Variants in HEATR5B observed in about 807,000 individuals in gnomAD.
HEATR5B encodes the protein HEAT repeat containing 5B.
HEATR5B carries 156 observed loss-of-function variants against 224.1 expected under a neutral mutation model. That is an observed-to-expected ratio of 0.70 (90% CI 0.61 to 0.80). The LOEUF is 0.80. HEATR5B is among the 30% of genes least tolerant of loss of function. The pLI, the probability that HEATR5B is intolerant of heterozygous loss-of-function variation, is 0.00. For missense variants in HEATR5B, 2,323 were observed against 2,535.5 expected, an observed-to-expected ratio of 0.92 and a Z score of 1.80; for synonymous variants, 1,027 against 893.0, an observed-to-expected ratio of 1.15 and a Z score of -2.68.
At chr2:37,019,972 C>T (rs1159568165) in intron 25 of HEATR5B, 95 bp from the exon 26 acceptor site, 6 of 792,090 alleles carry the variant, frequency 7.6e-6, no homozygotes, top group East Asian at 2.7e-5. Flanking sequence ...GGTGCGATCT[C>T]GGCTCATTGC....
At chr2:36,982,532 G>C in intron 35 of HEATR5B, among the ~76,000 whole-genome samples, 1 of 152,124 alleles carries the variant, frequency 6.6e-6, no homozygotes, top group East Asian at 1.9e-4. Context: ...ATCACATTGA[G>C]AATTACGCGT....
chr2:37,063,520 G>C (rs569746150), intron 10 of HEATR5B, among the ~76,000 whole-genome samples: 14 of 152,234 alleles, frequency 9.2e-5, no homozygotes, highest in Admixed American at 2.6e-4. Flanking sequence ...AGTGGTATGA[G>C]GAAGATGGGA....
intron 33 of HEATR5B, 24 bp downstream of exon 33, chr2:37,000,562 A>G: frequency 6.3e-7 from 1 of 1,595,488 alleles, no homozygotes; most frequent in East Asian, 2.2e-5. Flanking sequence ...TAACTAACTA[A>G]AACGTTTAAA....
chr2:37,008,318 A>G (rs1667560929), intron 28 of HEATR5B: 1 of 436,294 alleles, frequency 2.3e-6, no homozygotes, highest in African/African-American at 2.0e-5. Flanking sequence ...ATATACATCT[A>G]TGGTTATGCA....
At chr2:37,032,599 A>C (rs748179063) in intron 22 of HEATR5B, 30 bp downstream of exon 22, 1 of 1,580,296 alleles carries the variant, frequency 6.3e-7, no homozygotes, top group South Asian at 1.2e-5. Context: ...AGTTAAACAA[A>C]AAACAATATT....
intron 27 of HEATR5B, among the ~76,000 whole-genome samples, chr2:37,012,454 G>A (rs1226684851): frequency 6.6e-6 from 1 of 151,976 alleles, no homozygotes; most frequent in East Asian, 1.9e-4. Context: ...GCAATGGCGT[G>A]ATCTTGGCTC....
At chr2:37,066,250 T>C (rs1671580756) in intron 8 of HEATR5B, among the ~76,000 whole-genome samples, 1 of 152,202 alleles carries the variant, frequency 6.6e-6, no homozygotes, top group African/African-American at 2.4e-5. Flanking sequence ...TTATATTAGT[T>C]ATGTGACATT....
intron 6 of HEATR5B, among the ~76,000 whole-genome samples, chr2:37,070,776 T>C (rs370594957): frequency 6.6e-6 from 1 of 152,210 alleles, no homozygotes; most frequent in Non-Finnish European, 1.5e-5. Flanking sequence ...TAGTTACCAA[T>C]AGATTAAGAT....
intron 3 of HEATR5B, among the ~76,000 whole-genome samples, chr2:37,077,353 C>T (rs1026571102): frequency 7.2e-5 from 11 of 151,984 alleles, no homozygotes; most frequent in African/African-American, 1.4e-4. Context: ...CTGTCACCCA[C>T]GCTGGAGTGC....
chr2:37,048,112 T>C (rs1670315341), intron 18 of HEATR5B, among the ~76,000 whole-genome samples: 1 of 151,416 alleles, frequency 6.6e-6, no homozygotes, highest in South Asian at 2.1e-4. Flanking sequence ...TGGACAGGTA[T>C]AAATAAATGA....
In HEATR5B at chr2:37,083,419, G is replaced by A. The variant is rs181345513; in HGVS notation, c.-5C>T. 3.0e-5 allele frequency: 48 copies of A among 1,609,280 alleles called. No homozygotes were observed. Among genetic ancestry groups the A allele is most frequent in the Non-Finnish European group, 3.7e-5 (43 of 1,178,066 alleles). Reference sequence around the variant, plus strand: ...TAAACTGTGGGCTAACTCCATTACGGAAGTTTGAAATTCACACCTTAAATT... The same window carrying A: ...TAAACTGTGGGCTAACTCCATTACGAAAGTTTGAAATTCACACCTTAAATT... On this transcript the variant is annotated 5_prime_UTR_variant, in exon 2 of 36. Transcript: ENST00000233099.
chr2:37,077,842 T>C (rs1226426463), intron 3 of HEATR5B, among the ~76,000 whole-genome samples: 1 of 152,100 alleles, frequency 6.6e-6, no homozygotes, highest in Non-Finnish European at 1.5e-5. Context: ...GTCTACCTCT[T>C]AATTTACAAA....
chr2:36,995,462 TAAG>T (rs1666635288), intron 33 of HEATR5B, among the ~76,000 whole-genome samples: 1 of 152,146 alleles, frequency 6.6e-6, no homozygotes, highest in South Asian at 2.1e-4. Flanking sequence ...AAATCTACCT[TAAG>T]AAACAAAATA....
chr2:37,071,886 T>C (rs367738695), intron 6 of HEATR5B, among the ~76,000 whole-genome samples: 3 of 152,120 alleles, frequency 2.0e-5, no homozygotes, highest in South Asian at 2.1e-4. Context: ...GGTTTCAGCA[T>C]CTTGGCCAGG....
At chr2:37,028,308 C>A in intron 23 of HEATR5B, 134 bp from the exon 24 acceptor site, 1 of 539,278 alleles carries the variant, frequency 1.9e-6, no homozygotes, top group Non-Finnish European at 3.0e-6. Context: ...GTAAAACTAG[C>A]AGAATTTTTT....
chr2:37,028,034 G>A lies in HEATR5B; in HGVS notation c.3742C>T (p.Arg1248Ter), dbSNP rs762276311. Residue 1248 changes from arginine (R) to a stop codon, truncating the protein, a stop_gained, in exon 24 of 36, where the codon CGA (arginine) becomes TGA (stop). Transcript: ENST00000233099. LOFTEE classifies it high-confidence loss of function. ...CACAGGCAATCGGCAGCAAATACTC[G>A]AGTGGCCCAGCGAGGGGCCACAAAG... ...KPFVAPRWAT[R>*]VFAADCLCRI... 1.2e-5 allele frequency: 19 copies of A among 1,613,896 alleles called. No homozygotes were observed. The highest frequency in any genetic ancestry group is 2.7e-5 in the African/African-American group (2 of 74,890).
At chr2:37,077,527 C>T (rs1672308624) in intron 3 of HEATR5B, among the ~76,000 whole-genome samples, 1 of 152,188 alleles carries the variant, frequency 6.6e-6, no homozygotes, top group Non-Finnish European at 1.5e-5. Context: ...AGGCTGATCT[C>T]GAACTCCTGA....
chr2:37,052,884 T>C (rs912628527), intron 17 of HEATR5B, among the ~76,000 whole-genome samples: 2 of 152,178 alleles, frequency 1.3e-5, no homozygotes, highest in African/African-American at 4.8e-5. Context: ...ACTCAGAATG[T>C]TGCACAATTG....
chr2:37,032,212 A>C (rs949852870), intron 22 of HEATR5B, among the ~76,000 whole-genome samples: 2 of 152,088 alleles, frequency 1.3e-5, no homozygotes, highest in African/African-American at 2.4e-5. Flanking sequence ...TTAAGCTGCA[A>C]ATAATTTTTT....
Sources: allele counts gnomAD v4.1 joint callset (sites outside exome capture counted in the v4.1 genomes callset), GRCh38; gene constraint gnomAD v4.1.1; transcripts MANE v1.5; gene names NCBI Gene and HGNC (gene_info 2026-07-23, HGNC 2026-07-21).